Variants in LYSMD4 observed in about 807,000 individuals in gnomAD.
LYSMD4 encodes the protein lysM and putative peptidoglycan-binding domain-containing protein 4.
Under a neutral mutation model 6.1 loss-of-function variants are expected in LYSMD4, and 9 were observed. The observed-to-expected ratio is 1.47, with a 90% CI of 0.88 to 2.56. The LOEUF is 2.56. LYSMD4 is among the 30% of genes most tolerant of loss of function. The probability of loss-of-function intolerance (pLI) is 0.00; values close to 1 mark genes in which losing one functional copy is unlikely to be tolerated. For missense variants in LYSMD4, 384 were observed against 373.5 expected (o/e 1.03, Z -0.23); for synonymous variants, 143 against 148.5 (o/e 0.96, Z 0.27).
upstream of LYSMD4, among the ~76,000 whole-genome samples, chr15:99,718,488 G>A (rs1056304580): frequency 6.6e-6 from 1 of 152,192 alleles, no homozygotes; most frequent in Admixed American, 6.5e-5. Context: ...TGTGGTAGCT[G>A]CCTGTTTTCT....
chr15:99,731,670 C>T (rs754515727), intron 2 of LYSMD4, 48 bp downstream of exon 2: 4 of 1,534,560 alleles, frequency 2.6e-6, no homozygotes, highest in African/African-American at 1.4e-5. Flanking sequence ...GTGAGTTCCC[C>T]GTGTTCCTTG....
upstream of LYSMD4, among the ~76,000 whole-genome samples, chr15:99,719,452 G>A (rs914491298): frequency 1.8e-4 from 28 of 152,114 alleles, no homozygotes; most frequent in Middle Eastern, 3.4e-3. Context: ...TCCTATCCCC[G>A]CCTCTCTCAC....
rs757879405 is a variant in LYSMD4, at chr15:99,729,161, C to T, written c.853G>A (p.Asp285Asn). Residue 285 changes from aspartate to asparagine, a missense_variant, in exon 3 of 3, where the codon GAC becomes AAC. Asp to Asn is a conservative substitution (Grantham distance 23). Coordinates refer to ENST00000684762, the MANE Select transcript of LYSMD4 (RefSeq NM_001284417.2). ...AVAVPAVTSA[D>N]SQFSQTTQAG... ...TGGGTGGTCTGACTGAACTGGCTGT[C>T]TGCAGAAGTGACGGCTGGCACTGCA... The T allele has an allele frequency of 4.3e-6, 7 of 1,614,098 alleles. No individual in the cohort carries two copies. Among genetic ancestry groups the T allele is most frequent in the Non-Finnish European group, 5.9e-6 (7 of 1,180,028 alleles).
exon 1 of LYSMD4, chr15:99,716,506 G>C (rs556743189): frequency 1.8e-5 from 8 of 456,816 alleles, no homozygotes; most frequent in African/African-American, 1.0e-4. Flanking sequence ...ACTCTGTCAT[G>C]TTTGCCTGGG....
exon 2 of LYSMD4, chr15:99,716,490 G>GTCGAGAC: frequency 4.4e-6 from 2 of 456,816 alleles, no homozygotes. Context: ...CTTCCTGTGC[G>GTCGAGAC]TCGAGACTCT....
rs779445756 is a variant in LYSMD4 at position 99,729,159 on chromosome 15, G to C, written c.855C>G (p.Asp285Glu). 5 of 1,613,984 alleles carry C rather than the reference G, an allele frequency of 3.1e-6. No homozygotes were observed. The highest frequency in any genetic ancestry group is 4.2e-6 in the Non-Finnish European group (5 of 1,179,940). Residue 285 changes from aspartate (D) to glutamate (E), a missense_variant, in exon 3 of 3, where the codon GAC becomes GAG. Coordinates refer to ENST00000684762, the MANE Select transcript of LYSMD4 (RefSeq NM_001284417.2). ...AVAVPAVTSA[D>E]SQFSQTTQAG... ...CTTGGGTGGTCTGACTGAACTGGCTGTCTGCAGAAGTGACGGCTGGCACTG... is the reference window on the plus strand; with the variant it reads ...CTTGGGTGGTCTGACTGAACTGGCTCTCTGCAGAAGTGACGGCTGGCACTG...
upstream of LYSMD4, among the ~76,000 whole-genome samples, chr15:99,721,645 C>A (rs181328553): frequency 5.9e-5 from 9 of 152,336 alleles, no homozygotes; most frequent in Non-Finnish European, 1.2e-4. Flanking sequence ...GACAGGCCTG[C>A]TCCCCTGGCC....
At chr15:99,725,821 G>C (rs1053568744), downstream of LYSMD4, among the ~76,000 whole-genome samples, 5 of 152,156 alleles carry the variant, frequency 3.3e-5, no homozygotes, top group African/African-American at 7.2e-5. Context: ...CAAGCCCACA[G>C]TGGACTGTCA....
rs752318302 is a variant in LYSMD4, at chr15:99,731,784, C to T, written c.216G>A (p.Val72=). The T allele has an allele frequency of 6.2e-7, 1 of 1,611,476 alleles. No individual in the cohort carries two copies. Among genetic ancestry groups the T allele is most frequent in the Non-Finnish European group, 8.5e-7 (1 of 1,179,538 alleles). ...CCTGGGCCAGCTCCCGCTGCAGCAG[C>T]ACCACGTCACCTGCTCCCGCCTGGG... is the stretch of plus-strand genomic sequence containing the variant. The part of the protein sequence containing the change: ...QPPQAGAGDV[V]LLQRELAQED... Residue 72 remains valine, a synonymous_variant, in exon 2 of 3, where the codon GTG becomes GTA. Coordinates refer to ENST00000684762, the MANE Select transcript of LYSMD4 (RefSeq NM_001284417.2).
upstream of LYSMD4, among the ~76,000 whole-genome samples, chr15:99,719,820 C>T (rs1376714226): frequency 9.2e-5 from 14 of 152,160 alleles, no homozygotes; most frequent in East Asian, 2.3e-3. Context: ...TTTCCTCCAG[C>T]GGTGTAGGAG....
chr15:99,729,067 C>G lies in LYSMD4; in HGVS notation c.*56G>C. 1 of 1,595,206 alleles carries G rather than the reference C, an allele frequency of 6.3e-7. No homozygotes were observed. ...ACCCCTAGGACATCGCCAGTGACAG[C>G]TGAGGCACATCAACAGCCAATTGCT... On this transcript the variant is annotated 3_prime_UTR_variant, in exon 3 of 3. Transcript: ENST00000684762.
At chr15:99,716,634 G>T (rs896901668) in exon 1 of LYSMD4, 2 of 456,726 alleles carry the variant, frequency 4.4e-6, no homozygotes, top group Non-Finnish European at 8.8e-6. Flanking sequence ...TTGAGACAGG[G>T]TCAAGGAAAC....
intron 2 of LYSMD4, 132 bp from the exon 3 acceptor site, chr15:99,729,863 A>C (rs1206752193): frequency 8.6e-7 from 1 of 1,169,168 alleles, no homozygotes; most frequent in Non-Finnish European, 1.2e-6. Context: ...GAAGACTGGA[A>C]AACTGCAGCT....
At chr15:99,731,075 A>T (rs2059397297) in intron 2 of LYSMD4, 3 of 1,135,850 alleles carry the variant, frequency 2.6e-6, no homozygotes, top group Non-Finnish European at 2.6e-6. Context: ...ATATACCCCT[A>T]GAGAAGGCCA....
rs564772305 is a variant in LYSMD4, at chr15:99,730,591, A to T, written c.283-860T>A. Reference sequence around the variant, plus strand: ...AATCAAATCAATCATTTCCATTATTATTCAGCAACTGCTGTTATTGTAACT... The same window carrying T: ...AATCAAATCAATCATTTCCATTATTTTTCAGCAACTGCTGTTATTGTAACT... On this transcript the variant is annotated intron_variant, in intron 2 of 2. Transcript: ENST00000684762. Among the ~76,000 whole-genome samples, 71 of 152,394 alleles carry T rather than the reference A, an allele frequency of 4.7e-4. 4 individuals are homozygous for T. In the South Asian group the frequency reaches 0.014, roughly 31 times the overall value.
At chr15:99,727,164 C>G (rs1276522647), downstream of LYSMD4, among the ~76,000 whole-genome samples, 3 of 152,194 alleles carry the variant, frequency 2.0e-5, no homozygotes, top group Non-Finnish European at 4.4e-5. Flanking sequence ...TATCTGAGGT[C>G]AGGAGTTCGA....
rs952067982 is a variant in LYSMD4 at position 99,729,578 on chromosome 15, T to G, written c.436A>C (p.Thr146Pro). 1 of 1,614,182 alleles carries G rather than the reference T, an allele frequency of 6.2e-7. No individual in the cohort carries two copies. Among genetic ancestry groups the G allele is most frequent in the African/African-American group, 1.3e-5 (1 of 75,062 alleles). The stretch of plus-strand genomic sequence containing the variant: ...CTGTCTGCCTCTGGCAGTTCCACGG[T>G]CACTGTGGTCTCGGAAGACGGGCTC... ...LLSPSSETTV[T>P]VELPEADRAG... The change falls in exon 3 of 3, where the codon ACC becomes CCC. Residue 146 changes from threonine to proline, a missense_variant. Transcript: ENST00000684762.
intron 2 of LYSMD4, chr15:99,731,361 A>G (rs771786799): frequency 6.2e-7 from 1 of 1,613,290 alleles, no homozygotes; most frequent in South Asian, 1.1e-5. Flanking sequence ...AGCATACCAT[A>G]GAAATCCGGA....
At chr15:99,720,787 C>G (rs1319008070), upstream of LYSMD4, 2 of 152,222 alleles carry the variant, frequency 1.3e-5, no homozygotes, top group African/African-American at 4.8e-5. Context: ...ACCTCACCTT[C>G]TCACGTGATA....
Sources: allele counts gnomAD v4.1 joint callset (sites outside exome capture counted in the v4.1 genomes callset), GRCh38; gene constraint gnomAD v4.1.1; transcripts MANE v1.5; gene names NCBI Gene and HGNC (gene_info 2026-07-23, HGNC 2026-07-21).